Variants in CHD4 observed in about 807,000 individuals in gnomAD.
CHD4 encodes the protein ATP-dependent chromatin remodeler CHD4.
In CHD4, 35 loss-of-function variants were observed where a neutral mutation model predicts 235.5. That is an observed-to-expected ratio of 0.15 (90% CI 0.11 to 0.20). The LOEUF is 0.20. CHD4 is among the 10% of genes least tolerant of loss of function. The pLI is 1.00. For missense variants in CHD4, 1,329 were observed against 2,432.3 expected, an observed-to-expected ratio of 0.55 and a Z score of 9.54; for synonymous variants, 900 against 850.2, an observed-to-expected ratio of 1.06 and a Z score of -1.02.
intron 37 of CHD4, among the ~76,000 whole-genome samples, chr12:6,577,417 CAAAAAAAAA>C (rs60910415): frequency 2.3e-5 from 2 of 87,320 alleles, no homozygotes; most frequent in Admixed American, 1.3e-4. Context: ...GATTCTGCCT[CAAAAAAAAA>C]AAAAAAAAAA....
chr12:6,604,777 GAA>G (rs1948661526), intron 2 of CHD4, among the ~76,000 whole-genome samples: 2 of 152,170 alleles, frequency 1.3e-5, no homozygotes, highest in South Asian at 4.1e-4. Flanking sequence ...GTGGCAAGTG[GAA>G]AAAGTGGGTC....
rs981277303 is a variant in CHD4 at position 6,593,669 on chromosome 12, C to A, written c.2314-53G>T. The A allele has an allele frequency of 6.6e-6, 10 of 1,522,350 alleles. No individual in the cohort carries two copies. Among genetic ancestry groups the A allele is most frequent in the Non-Finnish European group, 8.1e-6 (9 of 1,104,616 alleles). 94.3% of individuals were successfully genotyped at this position (1,522,350 alleles called of 1,614,324 possible). A position where few individuals can be genotyped will look rare whatever the true frequency, so the allele number is the denominator to read the frequency against. ...CTGAGGGCCCCAGCACACTGCAACCCCAGCGAACACCCACCACCCTGCTGC... is the reference window on the plus strand; with the variant it reads ...CTGAGGGCCCCAGCACACTGCAACCACAGCGAACACCCACCACCCTGCTGC... On this transcript the variant is annotated intron_variant, in intron 15 of 39. Coordinates refer to ENST00000544040, the MANE Select transcript of CHD4 (RefSeq NM_001273.5). This position sits in a 1 kb window ranked among gnomAD's most constrained non-coding sequence, Gnocchi z 4.9.
chr12:6,605,778 G>A (rs1451072642), intron 2 of CHD4, among the ~76,000 whole-genome samples: 2 of 152,186 alleles, frequency 1.3e-5, no homozygotes, highest in Admixed American at 6.5e-5. Context: ...AGTTCAGACA[G>A]CACAGAAAAC....
At chr12:6,600,810 T>C (rs2136224142) in intron 7 of CHD4, 116 bp downstream of exon 7, 1 of 1,508,570 alleles carries the variant, frequency 6.6e-7, no homozygotes, top group Non-Finnish European at 8.9e-7. Flanking sequence ...CATCTTGTTC[T>C]GTGGGAAACG....
chr12:6,598,332 C>T lies in CHD4; in HGVS notation c.1576G>A (p.Asp526Asn), dbSNP rs760156045. Residue 526 changes from aspartate to asparagine, a missense_variant, in exon 11 of 40, where the codon GAT becomes AAT. Coordinates refer to ENST00000544040, the MANE Select transcript of CHD4 (RefSeq NM_001273.5). ...PTPVPRPPDADPNTPSPKPLE... is the reference protein window; with the variant it reads ...PTPVPRPPDANPNTPSPKPLE... ...GGCTTTGGGGAGGGCGTGTTGGGAT[C>T]AGCATCTGGAGGCCGAGGCACTGGT... 6.2e-7 allele frequency: 1 copy of T among 1,614,178 alleles called. No homozygotes were observed. Among genetic ancestry groups the T allele is most frequent in the South Asian group, 1.1e-5 (1 of 91,078 alleles).
chr12:6,599,651 A>T, intron 10 of CHD4, 122 bp downstream of exon 10: 1 of 1,219,994 alleles, frequency 8.2e-7, no homozygotes, highest in Non-Finnish European at 1.2e-6. Context: ...AGGATGAAGG[A>T]GAATACCTTT....
At chr12:6,590,236 G>T (rs1207749655) in intron 22 of CHD4, 1 of 152,118 alleles carries the variant, frequency 6.6e-6, no homozygotes, top group East Asian at 1.9e-4. Context: ...AGAAAATAAA[G>T]AAATGTCACA....
chr12:6,593,088 C>T lies in CHD4; in HGVS notation c.2652+3G>A. 2 of 1,613,774 alleles carry T rather than the reference C, an allele frequency of 1.2e-6. No homozygotes were observed. The highest frequency in any genetic ancestry group is 1.7e-6 in the Non-Finnish European group (2 of 1,179,940). On this transcript the variant is annotated splice_donor_region_variant and intron_variant, in intron 17 of 39. Transcript: ENST00000544040. The surrounding 1 kb of genome is among the most constrained non-coding windows in gnomAD (Gnocchi z 4.9). Reference sequence around the variant, plus strand: ...GCTCCAACATCCCTCCCTCAGCCCTCACCTTAGACTGATTGTTCTTCAGCC... The same window carrying T: ...GCTCCAACATCCCTCCCTCAGCCCTTACCTTAGACTGATTGTTCTTCAGCC...
chr12:6,589,765 C>CA (rs546471983), intron 22 of CHD4, among the ~76,000 whole-genome samples: 1,328 of 123,008 alleles, frequency 0.011, 17 homozygotes, highest in Middle Eastern at 0.044. Flanking sequence ...GACTTTGTCT[C>CA]AAAAAAAAAA....
chr12:6,593,315 A>T lies in CHD4; in HGVS notation c.2515-87T>A. ...ACTGATGGAATGTTTTCCTCCTCCCAGGGTTACCCTTTTGCCTCACCAGGG... is the reference window on the plus strand; with the variant it reads ...ACTGATGGAATGTTTTCCTCCTCCCTGGGTTACCCTTTTGCCTCACCAGGG... On this transcript the variant is annotated intron_variant, in intron 16 of 39. Transcript: ENST00000544040. The surrounding 1 kb of genome is among the most constrained non-coding windows in gnomAD (Gnocchi z 4.9). 2 of 1,600,848 alleles carry T rather than the reference A, an allele frequency of 1.2e-6. No individual in the cohort carries two copies. Among genetic ancestry groups the T allele is most frequent in the Non-Finnish European group, 1.7e-6 (2 of 1,169,598 alleles).
intron 37 of CHD4, among the ~76,000 whole-genome samples, chr12:6,573,627 A>T (rs1030416876): frequency 6.6e-6 from 1 of 152,194 alleles, no homozygotes; most frequent in Non-Finnish European, 1.5e-5. Flanking sequence ...AGTTTTTTAC[A>T]TAACTGAGAT....
intron 22 of CHD4, among the ~76,000 whole-genome samples, chr12:6,590,407 T>C (rs908702061): frequency 3.9e-5 from 6 of 152,208 alleles, no homozygotes; most frequent in Admixed American, 1.3e-4. Context: ...GTACTGCAGT[T>C]ACGTAAGTTA....
chr12:6,596,932 C>T (rs915825156), intron 12 of CHD4, among the ~76,000 whole-genome samples: 3 of 151,252 alleles, frequency 2.0e-5, no homozygotes, highest in Non-Finnish European at 2.9e-5. Flanking sequence ...GCACTCCAGG[C>T]TGGGCCACAG....
intron 22 of CHD4, among the ~76,000 whole-genome samples, chr12:6,590,978 C>T (rs1948384791): frequency 6.6e-6 from 1 of 151,948 alleles, no homozygotes; most frequent in Non-Finnish European, 1.5e-5. Flanking sequence ...CAAAAATTAG[C>T]TGGGCGTGGT....
intron 25 of CHD4, 57 bp from the exon 26 acceptor site, chr12:6,583,435 C>T: frequency 2.7e-6 from 4 of 1,457,828 alleles, no homozygotes; most frequent in Non-Finnish European, 3.7e-6. Flanking sequence ...CACCAGCTAC[C>T]CCTGGTCCTC....
Position 6,573,224 on chromosome 12 carries a change from C to T in CHD4, c.5407G>A (p.Ala1803Thr). The change falls in exon 38 of 40, where the codon GCT becomes ACT. Residue 1803 changes from alanine (A) to threonine (T), a missense_variant. Transcript: ENST00000544040. The part of the protein sequence containing the change: ...LVIEEQLRRA[A>T]YLNMSEDPSH... ...GGGTCTTCTGACATGTTCAAGTAAG[C>T]AGCCCGGCGCAGCTGTTCCTCAATC... The T allele has an allele frequency of 6.3e-7, 1 of 1,583,986 alleles. No individual in the cohort carries two copies. Among genetic ancestry groups the T allele is most frequent in the Non-Finnish European group, 8.5e-7 (1 of 1,169,800 alleles).
chr12:6,602,642 G>T, intron 2 of CHD4, 145 bp from the exon 3 acceptor site: 1 of 1,141,938 alleles, frequency 8.8e-7, no homozygotes, highest in Non-Finnish European at 1.2e-6. Context: ...ACAGGAGGAA[G>T]CTGATACCCA....
chr12:6,572,682 T>A (rs1371861108), intron 38 of CHD4, among the ~76,000 whole-genome samples: 1 of 152,110 alleles, frequency 6.6e-6, no homozygotes, highest in Non-Finnish European at 1.5e-5. Context: ...CTCAGCCTCC[T>A]GAGTAGCTAG....
chr12:6,596,967 T>C (rs1565614828), intron 12 of CHD4, among the ~76,000 whole-genome samples: 3 of 145,764 alleles, frequency 2.1e-5, no homozygotes, highest in Non-Finnish European at 4.5e-5. Flanking sequence ...TCAAAAAATA[T>C]AATAAATAAA....
Sources: gnomAD v4.1 joint callset for allele counts (sites outside exome capture counted in the v4.1 genomes callset) on GRCh38, gnomAD v4.1.1 for gene constraint, Gnocchi (gnomAD v3.1) non-coding constraint, MANE v1.5 for transcripts, NCBI Gene and HGNC (gene_info 2026-07-23, HGNC 2026-07-21) for gene names.